Variants in MACROD2 observed in about 807,000 individuals in gnomAD.
MACROD2 encodes the protein mono-ADP ribosylhydrolase 2.
In MACROD2, 36 loss-of-function variants were observed where a neutral mutation model predicts 70.4. The ratio of observed to expected loss-of-function variants is 0.51; its 90% CI spans 0.39 to 0.68. MACROD2 has a LOEUF of 0.68. Ranked by LOEUF, MACROD2 falls within the 30% of genes least tolerant of loss-of-function variation. The pLI, the probability that MACROD2 is intolerant of heterozygous loss-of-function variation, is 0.00. For missense variants in MACROD2, 496 were observed against 538.4 expected (o/e 0.92, Z 0.78); for synonymous variants, 172 against 178.8 (o/e 0.96, Z 0.30).
At chr20:15,776,746 T>A (rs1373254759) in intron 8 of MACROD2, among the ~76,000 whole-genome samples, 1 of 152,160 alleles carries the variant, frequency 6.6e-6, no homozygotes, top group Non-Finnish European at 1.5e-5. Context: ...GCTCCAAAAC[T>A]ACATTTCTAT....
chr20:14,265,024 A>AGT (rs1292439442), intron 3 of MACROD2, among the ~76,000 whole-genome samples: 3 of 152,222 alleles, frequency 2.0e-5, no homozygotes, highest in African/African-American at 7.2e-5. Flanking sequence ...CCCTGTGTTT[A>AGT]GTAGCCTTTG....
intron 10 of MACROD2, among the ~76,000 whole-genome samples, chr20:15,918,356 TG>T (rs1193233012): frequency 1.3e-5 from 2 of 152,248 alleles, no homozygotes; most frequent in African/African-American, 4.8e-5. Context: ...TTTATTTGAA[TG>T]GTTCAAGTAG....
intron 3 of MACROD2, among the ~76,000 whole-genome samples, chr20:14,298,490 C>T (rs1193910058): frequency 6.6e-6 from 1 of 150,998 alleles, no homozygotes; most frequent in Non-Finnish European, 1.5e-5. Flanking sequence ...ATCACTTGAA[C>T]CCGGGAGGCG....
chr20:14,165,443 T>A (rs2055253644), intron 3 of MACROD2, among the ~76,000 whole-genome samples: 1 of 152,276 alleles, frequency 6.6e-6, no homozygotes, highest in South Asian at 2.1e-4. Context: ...TTCTGTCACT[T>A]CCCTGTTGAA....
intron 5 of MACROD2, among the ~76,000 whole-genome samples, chr20:14,862,636 TATATAA>T (rs1397857736): frequency 3.6e-4 from 3 of 8,308 alleles, no homozygotes; most frequent in South Asian, 8.3e-3. Context: ...TATAAATATA[TATATAA>T]ATATATATAT....
At chr20:15,982,134 A>T (rs1391002683) in intron 13 of MACROD2, among the ~76,000 whole-genome samples, 1 of 152,144 alleles carries the variant, frequency 6.6e-6, no homozygotes. Context: ...TGTGTCACCT[A>T]GAAAAGGACT....
At chr20:15,424,219 AG>A (rs2046268016) in intron 6 of MACROD2, among the ~76,000 whole-genome samples, 1 of 152,246 alleles carries the variant, frequency 6.6e-6, no homozygotes. Flanking sequence ...TATATGGTAA[AG>A]GGTATGTGTA....
At chr20:15,572,360 A>C (rs1280605615) in intron 8 of MACROD2, among the ~76,000 whole-genome samples, 1 of 152,032 alleles carries the variant, frequency 6.6e-6, no homozygotes, top group Non-Finnish European at 1.5e-5. Flanking sequence ...TAATTCCTTT[A>C]GTAATATACT....
intron 2 of MACROD2, among the ~76,000 whole-genome samples, chr20:14,058,438 A>C (rs1236544930): frequency 3.1e-5 from 2 of 64,958 alleles, no homozygotes; most frequent in Non-Finnish European, 6.2e-5. Context: ...ATTTAGAAAA[A>C]TACAAAAAAA....
At chr20:14,306,479 C>G (rs1428609454) in intron 3 of MACROD2, among the ~76,000 whole-genome samples, 1 of 152,012 alleles carries the variant, frequency 6.6e-6, no homozygotes, top group African/African-American at 2.4e-5. Context: ...GGATCTCCAT[C>G]TAGTCCTGGA....
intron 3 of MACROD2, among the ~76,000 whole-genome samples, chr20:14,212,268 G>C (rs189332125): frequency 6.6e-6 from 1 of 152,244 alleles, no homozygotes; most frequent in Admixed American, 6.5e-5. Context: ...CTAAAAATAT[G>C]AAAAATGTCA....
At chr20:14,498,697 T>C (rs2123117159) in intron 4 of MACROD2, among the ~76,000 whole-genome samples, 1 of 152,256 alleles carries the variant, frequency 6.6e-6, no homozygotes, top group Middle Eastern at 3.4e-3. Context: ...AAAATCTGAG[T>C]TGCTACCTGG....
intron 3 of MACROD2, among the ~76,000 whole-genome samples, chr20:14,243,827 A>G (rs2081948035): frequency 6.6e-6 from 1 of 152,210 alleles, no homozygotes; most frequent in African/African-American, 2.4e-5. Flanking sequence ...ATGTTAGGAA[A>G]ATTAGCAAGC....
At chr20:16,011,442 G>C (rs183692995) in intron 15 of MACROD2, among the ~76,000 whole-genome samples, 89 of 152,332 alleles carry the variant, frequency 5.8e-4, no homozygotes, top group African/African-American at 2.0e-3. Flanking sequence ...AGGCCCCAGT[G>C]GTTCTGAGCG....
At chr20:14,215,028 G>T (rs1012603261) in intron 3 of MACROD2, among the ~76,000 whole-genome samples, 3 of 149,478 alleles carry the variant, frequency 2.0e-5, no homozygotes, top group African/African-American at 7.4e-5. Flanking sequence ...ATATATGTGT[G>T]TGTACATATA....
chr20:14,860,367 A>G (rs886702990), intron 5 of MACROD2, among the ~76,000 whole-genome samples: 4 of 152,022 alleles, frequency 2.6e-5, no homozygotes, highest in African/African-American at 9.7e-5. Context: ...GGATAAGCAA[A>G]GCAATCTGTG....
chr20:14,300,482 G>A (rs532107972), intron 3 of MACROD2, among the ~76,000 whole-genome samples: 16 of 152,240 alleles, frequency 1.1e-4, no homozygotes, highest in African/African-American at 7.2e-5. Flanking sequence ...TGTTGTTGTC[G>A]TTAATGGTAC....
chr20:15,812,962 A>G (rs1178574436), intron 8 of MACROD2, among the ~76,000 whole-genome samples: 1 of 152,196 alleles, frequency 6.6e-6, no homozygotes, highest in African/African-American at 2.4e-5. Context: ...TGATATGCTC[A>G]CTTGGAATGT....
At chr20:15,745,603 C>T (rs1453037494) in intron 8 of MACROD2, among the ~76,000 whole-genome samples, 1 of 152,016 alleles carries the variant, frequency 6.6e-6, no homozygotes, top group African/African-American at 2.4e-5. Context: ...AAAAGCTCTT[C>T]GTTTTGAATT....
Sources: gnomAD v4.1 joint callset for allele counts (sites outside exome capture counted in the v4.1 genomes callset) on GRCh38, gnomAD v4.1.1 for gene constraint, MANE v1.5 for transcripts, NCBI Gene and HGNC (gene_info 2026-07-23, HGNC 2026-07-21) for gene names.